ZNF236: variants seen among roughly 807,000 people sequenced by gnomAD.
ZNF236 encodes zinc finger protein 236.
ZNF236 carries 50 observed loss-of-function variants against 191.2 expected under a neutral mutation model. That is an observed-to-expected ratio of 0.26 (90% CI 0.21 to 0.33). The LOEUF is 0.33. Ranked by LOEUF, ZNF236 falls within the 10% of genes least tolerant of loss-of-function variation. The pLI is 1.00. For missense variants in ZNF236, 1,754 were observed against 2,374.5 expected (o/e 0.74, Z 5.43); for synonymous variants, 907 against 928.8 (o/e 0.98, Z 0.43).
intron 25 of ZNF236, chr18:76,930,958 A>T (rs1967829766): frequency 6.6e-6 from 1 of 152,244 alleles, no homozygotes; most frequent in Admixed American, 6.5e-5. Context: ...CATAAATTGT[A>T]CTGAAATGAC....
At chr18:76,852,182 T>A (rs1285159801) in intron 3 of ZNF236, among the ~76,000 whole-genome samples, 3 of 152,228 alleles carry the variant, frequency 2.0e-5, no homozygotes, top group African/African-American at 7.2e-5. Flanking sequence ...TCAAAGTATA[T>A]CCACATTGGC....
intron 3 of ZNF236, among the ~76,000 whole-genome samples, chr18:76,857,107 T>A (rs1366619808): frequency 6.6e-6 from 1 of 150,886 alleles, no homozygotes; most frequent in Non-Finnish European, 1.5e-5. Context: ...CCAGTTCCTA[T>A]GTGGGCTCCT....
At chr18:76,901,982 G>A (rs1977607563) in intron 11 of ZNF236, among the ~76,000 whole-genome samples, 1 of 152,130 alleles carries the variant, frequency 6.6e-6, no homozygotes, top group Non-Finnish European at 1.5e-5. Context: ...ACACCCATGG[G>A]TTTCTGGACT....
At chr18:76,847,765 T>A (rs915482693) in intron 1 of ZNF236, among the ~76,000 whole-genome samples, 1 of 152,128 alleles carries the variant, frequency 6.6e-6, no homozygotes, top group Non-Finnish European at 1.5e-5. Context: ...CGTGAGCCCC[T>A]CCGCCCGGCC....
At chr18:76,855,206 G>T (rs947081889) in intron 3 of ZNF236, among the ~76,000 whole-genome samples, 1 of 152,234 alleles carries the variant, frequency 6.6e-6, no homozygotes, top group Non-Finnish European at 1.5e-5. Flanking sequence ...TTACAGGTAT[G>T]ATCCACTGTG....
chr18:76,884,182 A>C (rs34316174), intron 9 of ZNF236, among the ~76,000 whole-genome samples: 35,999 of 151,988 alleles, frequency 0.24, 5,343 homozygotes, highest in East Asian at 0.32. Context: ...TGGGTGGATC[A>C]TGAGGTCAGG....
intron 14 of ZNF236, 71 bp downstream of exon 14, chr18:76,908,644 T>C (rs541601778): frequency 6.6e-7 from 1 of 1,524,634 alleles, no homozygotes; most frequent in East Asian, 2.3e-5. Context: ...CTCATTGCAG[T>C]CCATTGGTGT....
At chr18:76,935,924 C>T (rs1326714352) in intron 25 of ZNF236, 8 of 454,984 alleles carry the variant, frequency 1.8e-5, no homozygotes, top group Admixed American at 4.7e-5. Flanking sequence ...GGAGCCCCGG[C>T]GGCTGCTTCA....
chr18:76,910,881 ATT>A, intron 16 of ZNF236, 70 bp downstream of exon 16: 5 of 1,550,350 alleles, frequency 3.2e-6, no homozygotes, highest in Non-Finnish European at 4.4e-6. Context: ...CACTGTCATT[ATT>A]AAAAATTTCC....
At chr18:76,948,638 A>C (rs1334010061) in intron 27 of ZNF236, among the ~76,000 whole-genome samples, 1 of 152,218 alleles carries the variant, frequency 6.6e-6, no homozygotes, top group Non-Finnish European at 1.5e-5. Flanking sequence ...TGTCTGCTCC[A>C]GTGAGGTCAC....
intron 9 of ZNF236, among the ~76,000 whole-genome samples, chr18:76,891,984 T>G (rs1162702826): frequency 2.6e-5 from 4 of 152,206 alleles, no homozygotes; most frequent in Non-Finnish European, 4.4e-5. Flanking sequence ...CTTTAGAATC[T>G]TCTGCTAAAG....
intron 10 of ZNF236, among the ~76,000 whole-genome samples, chr18:76,897,139 C>A (rs1977445738): frequency 1.3e-5 from 2 of 151,340 alleles, no homozygotes; most frequent in African/African-American, 4.9e-5. Flanking sequence ...AGGTACCAAA[C>A]ACAGTACCAA....
In ZNF236 at chr18:76,895,191, G is replaced by A. The variant is rs543672384; in HGVS notation, c.1596G>A (p.Lys532=). The A allele has an allele frequency of 2.5e-6, 4 of 1,603,932 alleles. No homozygotes were observed. The African/African-American group carries it at 4.0e-5, about 16-fold the overall frequency. Residue 532 remains lysine (K), a synonymous_variant, in exon 10 of 31, where the codon AAG becomes AAA. Transcript: ENST00000320610. ...AVKSTLTAHI[K]THTGIKAFKC... ...AGAGCACGCTGACAGCGCACATCAA[G>A]ACGCACACCGGCATCAAGGCGTTCA...
In ZNF236 at chr18:76,875,394, G is replaced by A; in HGVS notation, c.668-98G>A. On this transcript the variant is annotated intron_variant, in intron 5 of 30. Transcript: ENST00000320610. The surrounding 1 kb of genome is among the most constrained non-coding windows in gnomAD (Gnocchi z 4.3). ...GAGTTCTGGGGAGACATTTTGGCTG[G>A]AGGGATAGGTTTGGGTAACTTCAGT... 1 of 1,198,160 alleles carries A rather than the reference G, an allele frequency of 8.3e-7. No homozygotes were observed. Among genetic ancestry groups the A allele is most frequent in the South Asian group, 2.5e-5 (1 of 40,596 alleles). 74.2% of individuals were successfully genotyped at this position (1,198,160 alleles called of 1,614,324 possible).
At chr18:76,930,073 C>A (rs572660803) in intron 25 of ZNF236, among the ~76,000 whole-genome samples, 1 of 152,234 alleles carries the variant, frequency 6.6e-6, no homozygotes, top group Non-Finnish European at 1.5e-5. Flanking sequence ...GTTTTCAGCC[C>A]AGTTATTAAT....
intron 26 of ZNF236, among the ~76,000 whole-genome samples, 185 bp from the exon 27 acceptor site, chr18:76,947,336 C>T (rs996942618): frequency 2.0e-5 from 3 of 152,178 alleles, no homozygotes; most frequent in Admixed American, 6.5e-5. Context: ...CTCCTGTGGA[C>T]ATTTCTGTAC....
At chr18:76,826,629 A>G (rs1381136049) in intron 1 of ZNF236, among the ~76,000 whole-genome samples, 2 of 128,218 alleles carry the variant, frequency 1.6e-5, no homozygotes, top group African/African-American at 7.0e-5. Flanking sequence ...CAGCCGTACT[A>G]AAAAAAAAAA....
intron 28 of ZNF236, among the ~76,000 whole-genome samples, chr18:76,958,392 A>C (rs1428999108): frequency 3.3e-5 from 5 of 152,136 alleles, no homozygotes; most frequent in Non-Finnish European, 7.4e-5. Context: ...AGCTGCGTGC[A>C]CTGTTCCCAC....
Position 76,829,345 on chromosome 18 carries a change from T to G in ZNF236, c.55+6683T>G, listed in dbSNP as rs866036876. Reference sequence around the variant, plus strand: ...TCCTGGGGGAGGTTTTTTTTTTTTTTTGGACGGAGTCTCGCTCTGTCGCCC... The same window carrying G: ...TCCTGGGGGAGGTTTTTTTTTTTTTGTGGACGGAGTCTCGCTCTGTCGCCC... On this transcript the variant is annotated intron_variant, in intron 1 of 30. Transcript: ENST00000320610. 3.0e-3 allele frequency among the ~76,000 whole-genome samples: 425 copies of G among 140,888 alleles called. 1 individual carries two copies. Among genetic ancestry groups the G allele is most frequent in the Middle Eastern group, 0.019 (5 of 268 alleles). The allele number at this position is 140,888 out of a possible 152,430, so 92.4% of individuals were successfully genotyped here.
Sources: allele counts gnomAD v4.1 joint callset (sites outside exome capture counted in the v4.1 genomes callset), GRCh38; gene constraint gnomAD v4.1.1; non-coding constraint Gnocchi (gnomAD v3.1); transcripts MANE v1.5; gene names NCBI Gene and HGNC (gene_info 2026-07-23, HGNC 2026-07-21).